DRGX: variants seen among roughly 807,000 people sequenced by gnomAD.
DRGX encodes dorsal root ganglia homeobox.
Under a neutral mutation model 28.6 loss-of-function variants are expected in DRGX, and 21 were observed. The observed-to-expected ratio is 0.73, with a 90% CI of 0.52 to 1.06. The LOEUF is 1.06. Among genes scored for constraint, DRGX ranks in the 50% least tolerant of loss-of-function variants. The probability of loss-of-function intolerance (pLI) is 0.00; values close to 1 mark genes in which losing one functional copy is unlikely to be tolerated. For missense variants in DRGX, 354 were observed against 343.9 expected (o/e 1.03, Z -0.23); for synonymous variants, 136 against 139.1 (o/e 0.98, Z 0.16).
chr10:49,371,332 GCT>G (rs1849657164), intron 6 of DRGX, among the ~76,000 whole-genome samples: 1 of 152,130 alleles, frequency 6.6e-6, no homozygotes, highest in East Asian at 1.9e-4. Flanking sequence ...CAGACCCAAA[GCT>G]CATGCACTTT....
chr10:49,386,705 T>A lies in DRGX; in HGVS notation c.388A>T (p.Lys130Ter). 1 of 1,587,712 alleles carries A rather than the reference T, an allele frequency of 6.3e-7. No individual in the cohort carries two copies. Among genetic ancestry groups the A allele is most frequent in the South Asian group, 1.2e-5 (1 of 85,736 alleles). ...PPPGDQARSK[K>*]EALEAQQSLG... ...CTCTGCTGGGCCTCCAGCGCCTCCT[T>A]CTTACTCCGGGCTTGGTCCCCAGGG... The change falls in exon 5 of 7, where the codon AAG becomes TAG. Residue 130 changes from lysine to a stop codon, truncating the protein, a stop_gained. Coordinates refer to ENST00000374139, the MANE Select transcript of DRGX (RefSeq NM_001276451.2). LOFTEE classifies it high-confidence loss of function.
intron 4 of DRGX, among the ~76,000 whole-genome samples, chr10:49,389,484 G>T (rs911771404): frequency 6.6e-6 from 1 of 152,120 alleles, no homozygotes; most frequent in Non-Finnish European, 1.5e-5. Context: ...CCTTCCTCTC[G>T]CACTTGGGCA....
At chr10:49,395,351 G>A (rs1282067037) in intron 2 of DRGX, 56 bp downstream of exon 2, 2 of 1,545,654 alleles carry the variant, frequency 1.3e-6, no homozygotes, top group Admixed American at 3.9e-5. Context: ...TGCCGCTCCG[G>A]CCCTTTCTGG....
At chr10:49,395,799 C>T in intron 1 of DRGX, 136 bp downstream of exon 1, 2 of 338,254 alleles carry the variant, frequency 5.9e-6, no homozygotes, top group East Asian at 8.0e-5. Flanking sequence ...AGCCAGAAGC[C>T]CTGCACCCGG....
chr10:49,378,471 CT>C (rs1405287176), intron 6 of DRGX, among the ~76,000 whole-genome samples: 3 of 152,118 alleles, frequency 2.0e-5, no homozygotes, highest in Non-Finnish European at 4.4e-5. Flanking sequence ...TGAAAATGTT[CT>C]AAAATTTATT....
intron 4 of DRGX, among the ~76,000 whole-genome samples, chr10:49,387,074 C>T (rs940176733): frequency 1.3e-5 from 2 of 152,186 alleles, no homozygotes; most frequent in Middle Eastern, 3.2e-3. Flanking sequence ...TGGAAAGTAT[C>T]CGAATGCCCA....
In DRGX at chr10:49,395,997, G is replaced by C. The variant is rs1849965061; in HGVS notation, c.-144C>G. 6.6e-6 allele frequency: 1 copy of C among 152,650 alleles called. No homozygotes were observed. The highest frequency in any genetic ancestry group is 2.4e-5 in the African/African-American group (1 of 41,442). The allele number at this position is 152,650 out of a possible 1,614,324, so 9.5% of individuals were successfully genotyped here. A position where few individuals can be genotyped will look rare whatever the true frequency, so the allele number is the denominator to read the frequency against. On this transcript the variant is annotated 5_prime_UTR_variant, in exon 1 of 7. Coordinates refer to ENST00000374139, the MANE Select transcript of DRGX (RefSeq NM_001276451.2). ...GCCTCCGATCCGCAAGCCCTGCTCG[G>C]CTGGCGGCGGGCGGGGCTCGGCGCG...
intron 6 of DRGX, among the ~76,000 whole-genome samples, chr10:49,369,404 G>A (rs920107957): frequency 6.6e-6 from 1 of 152,160 alleles, no homozygotes; most frequent in African/African-American, 2.4e-5. Flanking sequence ...ACATACCATG[G>A]AATATGACTC....
At chr10:49,375,645 G>A (rs1417311264) in intron 6 of DRGX, among the ~76,000 whole-genome samples, 1 of 152,148 alleles carries the variant, frequency 6.6e-6, no homozygotes, top group Non-Finnish European at 1.5e-5. Flanking sequence ...CATTGATGGG[G>A]GCCAACTCAG....
intron 6 of DRGX, among the ~76,000 whole-genome samples, chr10:49,379,484 G>A (rs1046520371): frequency 5.3e-5 from 8 of 152,116 alleles, no homozygotes; most frequent in Non-Finnish European, 1.2e-4. Context: ...GAAGAAGAGG[G>A]GAAAGATGGT....
intron 6 of DRGX, among the ~76,000 whole-genome samples, chr10:49,380,642 C>T (rs956950811): frequency 6.6e-6 from 1 of 152,164 alleles, no homozygotes; most frequent in African/African-American, 2.4e-5. Context: ...CACATCACTG[C>T]TTGAAGCCCC....
At chr10:49,390,102 A>G (rs763129728) in intron 4 of DRGX, 31 bp downstream of exon 4, 49 of 1,561,726 alleles carry the variant, frequency 3.1e-5, no homozygotes, top group Non-Finnish European at 3.7e-5. Flanking sequence ...TTTTAATATT[A>G]GAGAGTTAAA....
rs118101038 is a variant in DRGX at position 49,378,677 on chromosome 10, A to G, written c.526+7801T>C. On this transcript the variant is annotated intron_variant, in intron 6 of 6. Transcript: ENST00000374139. ...CTAGCCAGCACAGTCCAGCAAGAAA[A>G]AGAAATTGAAAAGTATAAGCTTGGA... Among the ~76,000 whole-genome samples the G allele has an allele frequency of 5.9e-3, 906 of 152,328 alleles. 5 individuals are homozygous for G. The highest frequency in any genetic ancestry group is 9.1e-3 in the Non-Finnish European group (620 of 68,030).
intron 2 of DRGX, among the ~76,000 whole-genome samples, chr10:49,391,659 T>C (rs1849906818): frequency 6.6e-6 from 1 of 152,160 alleles, no homozygotes; most frequent in Admixed American, 6.5e-5. Flanking sequence ...AGCCTGTGTG[T>C]CTCCCTTTGG....
chr10:49,385,739 A>G (rs908318907), intron 6 of DRGX, among the ~76,000 whole-genome samples: 2 of 151,290 alleles, frequency 1.3e-5, no homozygotes, highest in South Asian at 2.1e-4. Flanking sequence ...CTATGCCTCC[A>G]CCTCCCAGAC....
intron 6 of DRGX, among the ~76,000 whole-genome samples, chr10:49,385,621 C>A (rs529585680): frequency 2.0e-5 from 3 of 152,066 alleles, no homozygotes; most frequent in Non-Finnish European, 4.4e-5. Flanking sequence ...GGAGAGGGAC[C>A]CTCCTCGAGA....
At chr10:49,392,326 AG>A (rs1274683587) in intron 2 of DRGX, among the ~76,000 whole-genome samples, 2 of 152,196 alleles carry the variant, frequency 1.3e-5, no homozygotes, top group African/African-American at 4.8e-5. Context: ...TGTCTACTAG[AG>A]GAAGTTCCTT....
chr10:49,395,011 G>A (rs563299611), intron 2 of DRGX, among the ~76,000 whole-genome samples: 9 of 152,382 alleles, frequency 5.9e-5, no homozygotes, highest in African/African-American at 1.9e-4. Context: ...CGTGATCTGG[G>A]CCAGGACGCG....
At chr10:49,385,672 C>A (rs927826594) in intron 6 of DRGX, among the ~76,000 whole-genome samples, 1 of 152,064 alleles carries the variant, frequency 6.6e-6, no homozygotes, top group Non-Finnish European at 1.5e-5. Context: ...GCAGGGGACA[C>A]CCTAAGGGTG....
Sources: allele counts gnomAD v4.1 joint callset (sites outside exome capture counted in the v4.1 genomes callset), GRCh38; gene constraint gnomAD v4.1.1; transcripts MANE v1.5; gene names NCBI Gene and HGNC (gene_info 2026-07-23, HGNC 2026-07-21).